FHOD3: variants seen among roughly 807,000 people sequenced by gnomAD.
FHOD3 encodes the protein formin homology 2 domain containing 3.
FHOD3 carries 90 observed loss-of-function variants against 173.0 expected under a neutral mutation model. The ratio of observed to expected loss-of-function variants is 0.52; its 90% CI spans 0.44 to 0.62. The LOEUF is 0.62. Among genes scored for constraint, FHOD3 ranks in the 20% least tolerant of loss-of-function variants. The pLI, the probability that FHOD3 is intolerant of heterozygous loss-of-function variation, is 0.00. For missense variants in FHOD3, 1,945 were observed against 2,034.7 expected (o/e 0.96, Z 0.85); for synonymous variants, 828 against 823.0 (o/e 1.01, Z -0.10).
intron 2 of FHOD3, among the ~76,000 whole-genome samples, chr18:36,357,485 C>T (rs1274213638): frequency 6.6e-6 from 1 of 152,148 alleles, no homozygotes; most frequent in Non-Finnish European, 1.5e-5. Context: ...GCAAGATGCT[C>T]TGAGGATACC....
intron 18 of FHOD3, 77 bp downstream of exon 18, chr18:36,709,468 TC>T: frequency 6.8e-7 from 1 of 1,479,528 alleles, no homozygotes; most frequent in Non-Finnish European, 9.1e-7. Flanking sequence ...TAAGAGCTTG[TC>T]CACAGGCTGG....
At chr18:36,605,406 G>C (rs1157212376) in intron 8 of FHOD3, among the ~76,000 whole-genome samples, 1 of 152,182 alleles carries the variant, frequency 6.6e-6, no homozygotes, top group Non-Finnish European at 1.5e-5. Context: ...TTGGCATTCT[G>C]TGGCATTTGA....
rs138331532 is a variant in FHOD3, at chr18:36,635,454, G to T, written c.1196+9705G>T. Among the ~76,000 whole-genome samples the T allele has an allele frequency of 4.6e-5, 7 of 152,298 alleles. No homozygotes were observed. The East Asian group carries it at 9.7e-4, about 21-fold the overall frequency. ...TGGGCACAGCATGGGGAACTCACTG[G>T]GGGAGAGCAGGCTGCACAAAGAGAT... On this transcript the variant is annotated intron_variant, in intron 10 of 28. Coordinates refer to ENST00000590592, the MANE Select transcript of FHOD3 (RefSeq NM_001281740.3).
At chr18:36,660,671 T>A (rs1397767485) in intron 14 of FHOD3, among the ~76,000 whole-genome samples, 1 of 152,080 alleles carries the variant, frequency 6.6e-6, no homozygotes, top group Non-Finnish European at 1.5e-5. Flanking sequence ...GCAAATTGGG[T>A]GGAGACTTCC....
chr18:36,764,301 G>A (rs2043046640), intron 27 of FHOD3, among the ~76,000 whole-genome samples: 1 of 151,834 alleles, frequency 6.6e-6, no homozygotes, highest in Non-Finnish European at 1.5e-5. Context: ...CATAAAACAA[G>A]GATGAGAAAT....
rs1406433776 is a variant in FHOD3, at chr18:36,462,829, A to G, written c.338-39103A>G. Among the ~76,000 whole-genome samples the G allele has an allele frequency of 2.6e-5, 4 of 152,160 alleles. No homozygotes were observed. The East Asian group carries it at 7.7e-4, about 29-fold the overall frequency. ...TTTCATAGAGATGGGATCTACCTAT[A>G]TTGCCCCGATTAATCTTGAACTCCT... is the stretch of plus-strand genomic sequence containing the variant. On this transcript the variant is annotated intron_variant, in intron 3 of 28. Coordinates refer to ENST00000590592, the MANE Select transcript of FHOD3 (RefSeq NM_001281740.3).
At chr18:36,580,128 A>C (rs1321666479) in intron 6 of FHOD3, among the ~76,000 whole-genome samples, 2 of 152,192 alleles carry the variant, frequency 1.3e-5, no homozygotes, top group African/African-American at 4.8e-5. Context: ...AAAATTAAAA[A>C]GTTTCAAAAA....
chr18:36,575,142 T>C (rs1174460912), intron 5 of FHOD3, among the ~76,000 whole-genome samples: 1 of 152,146 alleles, frequency 6.6e-6, no homozygotes, highest in Non-Finnish European at 1.5e-5. Flanking sequence ...ATCTAATTTT[T>C]GTGTTTTTAG....
chr18:36,488,910 A>G (rs1359237181), intron 3 of FHOD3, among the ~76,000 whole-genome samples: 1 of 152,150 alleles, frequency 6.6e-6, no homozygotes, highest in Non-Finnish European at 1.5e-5. Context: ...AGTAGAGAAA[A>G]TGGCCCCCAA....
chr18:36,550,163 A>G (rs1197242806), intron 5 of FHOD3, among the ~76,000 whole-genome samples: 2 of 150,632 alleles, frequency 1.3e-5, no homozygotes, highest in Non-Finnish European at 3.0e-5. Context: ...CATCTTTGCT[A>G]AAAATCACTT....
rs528913678 is a variant in FHOD3, at chr18:36,650,380, A to G, written c.1286+975A>G. Among the ~76,000 whole-genome samples the G allele has an allele frequency of 9.2e-5, 14 of 152,304 alleles. No homozygotes were observed. In the East Asian group the frequency reaches 2.5e-3, roughly 27 times the overall value. ...CTCATTTGACACACAGACTCCTGCCATGCCCGGGGGTCATAGAATCTTCTC... is the reference window on the plus strand; with the variant it reads ...CTCATTTGACACACAGACTCCTGCCGTGCCCGGGGGTCATAGAATCTTCTC... On this transcript the variant is annotated intron_variant, in intron 11 of 28. Coordinates refer to ENST00000590592, the MANE Select transcript of FHOD3 (RefSeq NM_001281740.3).
chr18:36,636,793 G>A (rs1443858312), intron 10 of FHOD3, among the ~76,000 whole-genome samples: 3 of 152,066 alleles, frequency 2.0e-5, no homozygotes, highest in Non-Finnish European at 4.4e-5. Context: ...GGGGTCCTTG[G>A]ATAGAGCAGG....
At chr18:36,477,061 C>T (rs2053612325) in intron 3 of FHOD3, among the ~76,000 whole-genome samples, 1 of 152,130 alleles carries the variant, frequency 6.6e-6, no homozygotes, top group Non-Finnish European at 1.5e-5. Flanking sequence ...CAGGAGTTAT[C>T]TGGTGAGGGT....
At chr18:36,484,758 G>A (rs1265162512) in intron 3 of FHOD3, among the ~76,000 whole-genome samples, 1 of 152,142 alleles carries the variant, frequency 6.6e-6, no homozygotes, top group Non-Finnish European at 1.5e-5. Flanking sequence ...CCCAGGGGGT[G>A]TGGTGAAGGC....
intron 1 of FHOD3, among the ~76,000 whole-genome samples, chr18:36,331,690 G>A (rs900552471): frequency 6.6e-6 from 1 of 152,130 alleles, no homozygotes; most frequent in African/African-American, 2.4e-5. Flanking sequence ...GGATGGCAGG[G>A]AAGTTCGCTG....
chr18:36,442,280 AT>A (rs1204427161), intron 3 of FHOD3, among the ~76,000 whole-genome samples: 2 of 151,554 alleles, frequency 1.3e-5, no homozygotes, highest in Admixed American at 6.6e-5. Flanking sequence ...CTAGCAGTTG[AT>A]TTTTTTTTCC....
chr18:36,344,058 C>T (rs1331089535), intron 1 of FHOD3, among the ~76,000 whole-genome samples: 2 of 152,146 alleles, frequency 1.3e-5, no homozygotes, highest in Non-Finnish European at 1.5e-5. Flanking sequence ...GAATTATGCA[C>T]TTGAAATAGG....
intron 1 of FHOD3, among the ~76,000 whole-genome samples, chr18:36,305,128 T>C (rs7243619): frequency 0.37 from 55,924 of 152,022 alleles, 10,613 homozygotes; most frequent in East Asian, 0.6. Flanking sequence ...CAATTATTTT[T>C]TGAAAAAAAA....
chr18:36,768,560 G>A (rs1363073170), intron 27 of FHOD3, among the ~76,000 whole-genome samples: 4 of 152,280 alleles, frequency 2.6e-5, no homozygotes, highest in Admixed American at 2.6e-4. Flanking sequence ...TGGGACCCAT[G>A]TTTTGGTGAT....
Sources: gnomAD v4.1 joint callset for allele counts (sites outside exome capture counted in the v4.1 genomes callset) on GRCh38, gnomAD v4.1.1 for gene constraint, MANE v1.5 for transcripts, NCBI Gene and HGNC (gene_info 2026-07-23, HGNC 2026-07-21) for gene names.